The following SELP variants were observed in gnomAD, a reference collection of about 807,000 sequenced individuals.
SELP encodes selectin P, also known as P-selectin.
Under a neutral mutation model 104.1 loss-of-function variants are expected in SELP, and 92 were observed. That is an observed-to-expected ratio of 0.88 (90% CI 0.75 to 1.05). The LOEUF (loss-of-function observed/expected upper bound fraction) is 1.05, where lower values mean the gene tolerates loss of function less well. Among genes scored for constraint, SELP ranks in the 50% least tolerant of loss-of-function variants. The pLI is 0.00. For missense variants in SELP, 1,022 were observed against 1,017.3 expected, an observed-to-expected ratio of 1.00 and a Z score of -0.06; for synonymous variants, 397 against 364.5, an observed-to-expected ratio of 1.09 and a Z score of -1.01.
intron 1 of SELP, 49 bp from the exon 2 acceptor site, chr1:169,619,268 A>G (rs768852767): frequency 7.8e-7 from 1 of 1,286,334 alleles, no homozygotes; most frequent in South Asian, 1.2e-5. Context: ...CACCACCAAC[A>G]TGGCCAAAAA....
chr1:169,617,468 C>T (rs141955202), intron 2 of SELP, 54 bp from the exon 3 acceptor site: 18 of 1,560,464 alleles, frequency 1.2e-5, no homozygotes, highest in East Asian at 2.3e-5. Flanking sequence ...AAAAAGAGGC[C>T]GTGATCCCAA....
intron 14 of SELP, 48 bp from the exon 15 acceptor site, chr1:169,591,504 AGATG>A (rs1439092583): frequency 5.3e-6 from 7 of 1,310,634 alleles, no homozygotes; most frequent in East Asian, 2.4e-5. Context: ...AAAAAAAACA[AGATG>A]AAAGAGAGGG....
chr1:169,601,372 C>T (rs1661902580), intron 10 of SELP, among the ~76,000 whole-genome samples: 1 of 152,244 alleles, frequency 6.6e-6, no homozygotes, highest in Non-Finnish European at 1.5e-5. Flanking sequence ...ATTGAGAAAA[C>T]GGGAGCCTAA....
intron 1 of SELP, among the ~76,000 whole-genome samples, chr1:169,626,378 T>C (rs1208377727): frequency 6.6e-6 from 1 of 152,162 alleles, no homozygotes; most frequent in African/African-American, 2.4e-5. Flanking sequence ...GGTCAGAAGT[T>C]CAAGACCAGC....
At chr1:169,625,250 T>C (rs1478703524) in intron 1 of SELP, among the ~76,000 whole-genome samples, 1 of 152,260 alleles carries the variant, frequency 6.6e-6, no homozygotes, top group Non-Finnish European at 1.5e-5. Context: ...TTGCCTAAAA[T>C]GCTTCCCTTA....
In SELP at chr1:169,627,875, G is replaced by A. The variant is rs955255559; in HGVS notation, c.3+2197C>T. Among the ~76,000 whole-genome samples, 6 of 152,142 alleles carry A rather than the reference G, an allele frequency of 3.9e-5. No homozygotes were observed. In the East Asian group the frequency reaches 9.6e-4, roughly 24 times the overall value. On this transcript the variant is annotated intron_variant, in intron 1 of 16. Transcript: ENST00000263686. ...TATAAATGGACGAAAATCCAGACCT[G>A]CTCCTTAGCCCACTAAAACTTTTTT...
Position 169,594,786 on chromosome 1 carries a change from A to G in SELP, c.2193T>C (p.Ser731=). Residue 731 remains serine, a synonymous_variant, in exon 13 of 17, where the codon TCT becomes TCC. Coordinates refer to ENST00000263686, the MANE Select transcript of SELP (RefSeq NM_003005.4). The part of the protein sequence containing the change: ...WGNFSYGSIC[S]FHCLEGQLLN... ...GTAACTGGCCCTCTAGACAATGGAAAGAGCAGATTGATCCATAACTGAAGT... is the reference window on the plus strand; with the variant it reads ...GTAACTGGCCCTCTAGACAATGGAAGGAGCAGATTGATCCATAACTGAAGT... The G allele has an allele frequency of 6.2e-7, 1 of 1,613,908 alleles. No homozygotes were observed. The highest frequency in any genetic ancestry group is 1.3e-5 in the African/African-American group (1 of 75,044).
Position 169,617,031 on chromosome 1 carries a change from T to C in SELP, c.478A>G (p.Thr160Ala), listed in dbSNP as rs536208034. 6.2e-7 allele frequency: 1 copy of C among 1,607,550 alleles called. No individual in the cohort carries two copies. The highest frequency in any genetic ancestry group is 8.5e-7 in the Non-Finnish European group (1 of 1,176,728). ...TTCAAAGTAGAGAAGGCCCTACCTG[T>C]GTAACACAATGCGTGCTTTTTCTTC... The part of the protein sequence containing the change: ...CLKKKHALCY[T>A]ASCQDMSCSK... Residue 160 changes from threonine to alanine, a missense_variant, in exon 3 of 17, where the codon ACA becomes GCA. Transcript: ENST00000263686.
In SELP at chr1:169,613,594, C is replaced by G; in HGVS notation, c.581G>C (p.Cys194Ser). 1 of 1,613,366 alleles carries G rather than the reference C, an allele frequency of 6.2e-7. No homozygotes were observed. The highest frequency in any genetic ancestry group is 1.1e-5 in the South Asian group (1 of 91,072). Residue 194 changes from cysteine (C) to serine (S), a missense_variant, in exon 4 of 17, where the codon TGT becomes TCT. Transcript: ENST00000263686. ...SCYPGFYGPECEYVRECGELE... is the reference protein window; with the variant it reads ...SCYPGFYGPESEYVRECGELE... Reference sequence around the variant, plus strand: ...CAAAAAGGAAGCCTCACCGTATTCACATTCTGGCCCATAGAATCCAGGGTA... The same window carrying G: ...CAAAAAGGAAGCCTCACCGTATTCAGATTCTGGCCCATAGAATCCAGGGTA...
At chr1:169,606,629 T>C (rs1461845090) in intron 9 of SELP, among the ~76,000 whole-genome samples, 1 of 151,768 alleles carries the variant, frequency 6.6e-6, no homozygotes, top group Non-Finnish European at 1.5e-5. Flanking sequence ...CCAGATGCCA[T>C]GTTTGGCCAG....
rs3917804 is a variant in SELP at position 169,597,424 on chromosome 1, G to A, written c.1706-248C>T. Among the ~76,000 whole-genome samples, 719 of 152,236 alleles carry A rather than the reference G, an allele frequency of 4.7e-3. 7 individuals carry two copies. Among genetic ancestry groups the A allele is most frequent in the African/African-American group, 0.016 (667 of 41,542 alleles). On this transcript the variant is annotated intron_variant, in intron 10 of 16. Coordinates refer to ENST00000263686, the MANE Select transcript of SELP (RefSeq NM_003005.4). ...GAAGACAAAGAAGTCAAAGATTTAG[G>A]CAGCCATACTCAAGAACTTACAATG...
intron 1 of SELP, among the ~76,000 whole-genome samples, chr1:169,621,415 G>T (rs1277366018): frequency 2.3e-5 from 3 of 132,454 alleles, no homozygotes; most frequent in Non-Finnish European, 3.2e-5. Context: ...AGGGTGCATG[G>T]GACAGTGTGA....
chr1:169,593,750 A>C (rs762698743), intron 13 of SELP, 26 bp from the exon 14 acceptor site: 20 of 1,611,500 alleles, frequency 1.2e-5, no homozygotes, highest in Middle Eastern at 1.6e-4. Flanking sequence ...ACACACATGC[A>C]AGACATAAGA....
rs780783445 is a variant in SELP, at chr1:169,596,090, T to C, written c.1936A>G (p.Thr646Ala). The change falls in exon 12 of 17, where the codon ACC (threonine) becomes GCC (alanine). Residue 646 changes from threonine to alanine, a missense_variant. Coordinates refer to ENST00000263686, the MANE Select transcript of SELP (RefSeq NM_003005.4). ...PTPGVQCPAL[T>A]TPGQGTMYCR... The stretch of plus-strand genomic sequence containing the variant: ...TACATGGTTCCCTGCCCAGGAGTGG[T>C]GAGGGCTGGACATTGCACCCCTGGA... 1 of 1,613,854 alleles carries C rather than the reference T, an allele frequency of 6.2e-7. No homozygotes were observed. The highest frequency in any genetic ancestry group is 8.5e-7 in the Non-Finnish European group (1 of 1,179,810).
intron 8 of SELP, among the ~76,000 whole-genome samples, chr1:169,607,724 A>G (rs745354436): frequency 2.0e-5 from 3 of 152,196 alleles, no homozygotes; most frequent in Non-Finnish European, 4.4e-5. Context: ...CATCTTTAAA[A>G]TGGTAGTAAT....
chr1:169,610,182 A>G (rs1662446104), intron 7 of SELP, among the ~76,000 whole-genome samples: 1 of 147,042 alleles, frequency 6.8e-6, no homozygotes, highest in Non-Finnish European at 1.5e-5. Context: ...CTTATAGGGA[A>G]AAAAAAAAAA....
intron 1 of SELP, among the ~76,000 whole-genome samples, chr1:169,624,633 C>T (rs143235489): frequency 1.5e-3 from 228 of 152,252 alleles, no homozygotes; most frequent in Middle Eastern, 6.8e-3. Flanking sequence ...TCTGTAGTCC[C>T]AGCTACTTGG....
chr1:169,623,060 G>A (rs1184983813), intron 1 of SELP, among the ~76,000 whole-genome samples: 1 of 152,220 alleles, frequency 6.6e-6, no homozygotes, highest in East Asian at 1.9e-4. Context: ...TTAGAAAGGT[G>A]TAAGAGGTAA....
At chr1:169,596,208 G>A (rs1661602928) in intron 11 of SELP, 74 bp from the exon 12 acceptor site, 5 of 1,341,452 alleles carry the variant, frequency 3.7e-6, no homozygotes, top group Non-Finnish European at 5.3e-6. Context: ...GGCTAATCTG[G>A]AATAACTGCT....
Sources: gnomAD v4.1 joint callset for allele counts (sites outside exome capture counted in the v4.1 genomes callset) on GRCh38, gnomAD v4.1.1 for gene constraint, MANE v1.5 for transcripts, NCBI Gene and HGNC (gene_info 2026-07-23, HGNC 2026-07-21) for gene names.